The following ZNF81 variants were observed in gnomAD, a reference collection of about 807,000 sequenced individuals.
The protein encoded by ZNF81 is zinc finger protein 81 (HFZ20).
ZNF81 carries 5 observed loss-of-function variants against 32.3 expected under a neutral mutation model. That is an observed-to-expected ratio of 0.15 (90% CI 0.08 to 0.33). The LOEUF (loss-of-function observed/expected upper bound fraction) is 0.33, where lower values mean the gene tolerates loss of function less well. Ranked by LOEUF, ZNF81 falls within the 10% of genes least tolerant of loss-of-function variation. ZNF81 has a pLI of 1.00. For synonymous variants in ZNF81, 163 were observed against 166.8 expected, an observed-to-expected ratio of 0.98 and a Z score of 0.17; for missense variants, 379 against 479.8, an observed-to-expected ratio of 0.79 and a Z score of 1.96.
intron 4 of ZNF81, among the ~76,000 whole-genome samples, chrX:47,900,662 A>G (rs1556887845): frequency 9.0e-6 from 1 of 111,407 alleles, no homozygotes; most frequent in Non-Finnish European, 1.9e-5. Context: ...GTATTCTGTT[A>G]TATTGTTCTG....
intron 2 of ZNF81, among the ~76,000 whole-genome samples, chrX:47,878,877 G>A (rs1003030054): frequency 3.6e-5 from 4 of 111,884 alleles, no homozygotes; most frequent in Non-Finnish European, 7.5e-5. Context: ...TAATCAAGAT[G>A]GCAAGGCTGA....
intron 1 of ZNF81, among the ~76,000 whole-genome samples, chrX:47,838,561 G>A (rs782078702): frequency 9.0e-6 from 1 of 110,820 alleles, no homozygotes; most frequent in Non-Finnish European, 1.9e-5. Flanking sequence ...TGATGATCTT[G>A]TGATTTTTTT....
chrX:47,906,227 T>C (rs1378484830), intron 4 of ZNF81, among the ~76,000 whole-genome samples: 1 of 76,828 alleles, frequency 1.3e-5, no homozygotes, highest in Admixed American at 1.7e-4. Flanking sequence ...TACTGCCCTT[T>C]TGGTTGAAGA....
chrX:47,919,334 C>A lies in ZNF81; in HGVS notation c.*2702C>A. 3.7e-6 allele frequency: 1 copy of A among 267,484 alleles called. No homozygotes were observed. Among genetic ancestry groups the A allele is most frequent in the Non-Finnish European group, 7.3e-6 (1 of 136,870 alleles). 22.0% of individuals were successfully genotyped at this position (267,484 alleles called of 1,213,427 possible). A position where few individuals can be genotyped will look rare whatever the true frequency, so the allele number is the denominator to read the frequency against. On this transcript the variant is annotated 3_prime_UTR_variant, in exon 5 of 5. Coordinates refer to ENST00000338637, the MANE Select transcript of ZNF81 (RefSeq NM_007137.5). Reference sequence around the variant, plus strand: ...ACTGATGTTTTTTCTCTCACCCTGGCTTTGTCAAGTCTACTGCTGAACCCA... The same window carrying A: ...ACTGATGTTTTTTCTCTCACCCTGGATTTGTCAAGTCTACTGCTGAACCCA...
At chrX:47,867,799 T>G (rs782617425) in intron 2 of ZNF81, among the ~76,000 whole-genome samples, 1 of 112,018 alleles carries the variant, frequency 8.9e-6, no homozygotes, top group South Asian at 3.7e-4. Flanking sequence ...TTGTAGTTCT[T>G]TAGGAAGTCT....
chrX:47,892,205 A>T (rs1556886555), intron 3 of ZNF81, among the ~76,000 whole-genome samples: 1 of 111,552 alleles, frequency 9.0e-6, no homozygotes, highest in African/African-American at 3.3e-5. Flanking sequence ...TCTGCTGTCC[A>T]TTGTGGTAGC....
At chrX:47,850,878 C>A (rs2058491458) in intron 2 of ZNF81, among the ~76,000 whole-genome samples, 1 of 65,747 alleles carries the variant, frequency 1.5e-5, no homozygotes, top group Non-Finnish European at 2.9e-5. Flanking sequence ...TGCACTCATT[C>A]ACAGGCACGC....
At chrX:47,844,721 G>A (rs1421513335) in intron 1 of ZNF81, among the ~76,000 whole-genome samples, 2 of 111,792 alleles carry the variant, frequency 1.8e-5, no homozygotes, top group East Asian at 2.8e-4. Flanking sequence ...GGGTTATATG[G>A]TGACTTTATG....
At chrX:47,887,548 C>T (rs923571767) in intron 2 of ZNF81, among the ~76,000 whole-genome samples, 2 of 110,963 alleles carry the variant, frequency 1.8e-5, no homozygotes, top group Admixed American at 9.6e-5. Flanking sequence ...CTGACCATGA[C>T]GGAATTAAAT....
rs1214072029 is a variant in ZNF81, at chrX:47,921,019, C to T, written c.*4387C>T. 2.7e-5 allele frequency: 3 copies of T among 110,921 alleles called. No individual in the cohort carries two copies. Among genetic ancestry groups the T allele is most frequent in the Admixed American group, 9.7e-5 (1 of 10,341 alleles). 9.1% of individuals were successfully genotyped at this position (110,921 alleles called of 1,213,427 possible). ...GGGTTCGAGAAAACTTATGTTTTTGCAGATTACCCAGCTTTGTTCTTGTTA... is the reference window on the plus strand; with the variant it reads ...GGGTTCGAGAAAACTTATGTTTTTGTAGATTACCCAGCTTTGTTCTTGTTA... On this transcript the variant is annotated 3_prime_UTR_variant, in exon 5 of 5. Transcript: ENST00000338637.
chrX:47,882,848 G>C (rs138239486), intron 2 of ZNF81, among the ~76,000 whole-genome samples: 1 of 111,757 alleles, frequency 8.9e-6, no homozygotes, highest in Non-Finnish European at 1.9e-5. Flanking sequence ...AAAATTAGCC[G>C]GGTGTGGTGG....
chrX:47,881,745 G>A (rs1391251672), intron 2 of ZNF81, among the ~76,000 whole-genome samples: 1 of 110,754 alleles, frequency 9.0e-6, no homozygotes, highest in African/African-American at 3.3e-5. Context: ...GGCCCACGGT[G>A]TACCCTGAAT....
Position 47,858,052 on chromosome X carries a change from A to T in ZNF81, c.54+11731A>T, listed in dbSNP as rs184838701. 2.0e-3 allele frequency among the ~76,000 whole-genome samples: 219 copies of T among 111,542 alleles called. 4 individuals carry two copies. The highest frequency in any genetic ancestry group is 2.1e-3 in the Non-Finnish European group (110 of 53,151). On this transcript the variant is annotated intron_variant, in intron 2 of 4. Coordinates refer to ENST00000338637, the MANE Select transcript of ZNF81 (RefSeq NM_007137.5). ...GGTATAACAGCCTGCCAAAGAGAAC[A>T]TCAGCACTTACAGATCAGCCTCACT... is the stretch of plus-strand genomic sequence containing the variant.
chrX:47,854,289 G>A (rs1379078834), intron 2 of ZNF81, among the ~76,000 whole-genome samples: 1 of 112,438 alleles, frequency 8.9e-6, no homozygotes, highest in African/African-American at 3.2e-5. Context: ...TTTAATTAAG[G>A]GAATGTTGTG....
At chrX:47,889,205 GA>G (rs2058653708) in intron 3 of ZNF81, among the ~76,000 whole-genome samples, 1 of 112,259 alleles carries the variant, frequency 8.9e-6, no homozygotes, top group African/African-American at 3.2e-5. Context: ...GATTACTAAA[GA>G]GATTAGGTGT....
intron 2 of ZNF81, among the ~76,000 whole-genome samples, chrX:47,873,131 C>G (rs2058586674): frequency 9.0e-6 from 1 of 111,653 alleles, no homozygotes; most frequent in Admixed American, 9.6e-5. Flanking sequence ...GGAAGTCTCT[C>G]TTCAATAGCT....
chrX:47,916,660 G>C lies in ZNF81; in HGVS notation c.*28G>C, dbSNP rs1556890992. 2 of 1,177,308 alleles carry C rather than the reference G, an allele frequency of 1.7e-6. No homozygotes were observed. The highest frequency in any genetic ancestry group is 6.0e-5 in the East Asian group (2 of 33,305). ...GTAATCCTGTTTCTTGAAAATGAGA[G>C]CCTTATAAGGCTGACAAAAGTCAGG... On this transcript the variant is annotated 3_prime_UTR_variant, in exon 5 of 5. Transcript: ENST00000338637.
intron 4 of ZNF81, among the ~76,000 whole-genome samples, chrX:47,904,444 CAA>C (rs1209594393): frequency 9.5e-6 from 1 of 105,275 alleles, no homozygotes; most frequent in Non-Finnish European, 2.0e-5. Flanking sequence ...TTTATGCAGC[CAA>C]AAAACACATG....
At position 47,914,756 on chromosome X, in the gene ZNF81, C is replaced by T. The variant is rs982781316; in HGVS notation, c.278-168C>T. 3.0e-4 allele frequency among the ~76,000 whole-genome samples: 33 copies of T among 111,564 alleles called. 1 individual carries two copies. The highest frequency in any genetic ancestry group is 7.6e-4 in the Admixed American group (8 of 10,493). ...ATGGTGCCTGGAATATTGTAAGTGTCGTGTAAGAGTTTGGCACATAAAAGT... is the reference window on the plus strand; with the variant it reads ...ATGGTGCCTGGAATATTGTAAGTGTTGTGTAAGAGTTTGGCACATAAAAGT... On this transcript the variant is annotated intron_variant, in intron 4 of 4. Transcript: ENST00000338637.
Sources: allele counts gnomAD v4.1 joint callset (sites outside exome capture counted in the v4.1 genomes callset), GRCh38; gene constraint gnomAD v4.1.1; transcripts MANE v1.5; gene names NCBI Gene and HGNC (gene_info 2026-07-23, HGNC 2026-07-21).